Variants in CCDC149 observed in about 807,000 individuals in gnomAD.
CCDC149 encodes coiled-coil domain-containing protein 149.
CCDC149 carries 45 observed loss-of-function variants against 59.9 expected under a neutral mutation model. The ratio of observed to expected loss-of-function variants is 0.75; its 90% CI spans 0.59 to 0.96. The LOEUF (loss-of-function observed/expected upper bound fraction) is 0.96. Ranked by LOEUF, CCDC149 falls within the 40% of genes least tolerant of loss-of-function variation. The pLI, the probability that CCDC149 is intolerant of heterozygous loss-of-function variation, is 0.00. For synonymous variants in CCDC149, 245 were observed against 260.6 expected (o/e 0.94, Z 0.58); for missense variants, 584 against 664.7 (o/e 0.88, Z 1.33).
At chr4:24,812,806 G>A (rs1026856258) in intron 12 of CCDC149, among the ~76,000 whole-genome samples, 12 of 152,294 alleles carry the variant, frequency 7.9e-5, no homozygotes, top group African/African-American at 2.9e-4. Flanking sequence ...AGTGTGCAGA[G>A]GAACTCTCAT....
At chr4:24,883,112 A>T (rs912747731) in intron 1 of CCDC149, among the ~76,000 whole-genome samples, 3 of 152,132 alleles carry the variant, frequency 2.0e-5, no homozygotes, top group Non-Finnish European at 4.4e-5. Flanking sequence ...CCAGTTGCAA[A>T]GAACAAGGCT....
chr4:24,820,422 A>G (rs1000273205), intron 11 of CCDC149, among the ~76,000 whole-genome samples: 1 of 152,094 alleles, frequency 6.6e-6, no homozygotes, highest in Non-Finnish European at 1.5e-5. Context: ...TAAATGAGAG[A>G]GAGTTGGCAA....
At chr4:24,950,316 T>C (rs1274417876) in intron 1 of CCDC149, among the ~76,000 whole-genome samples, 2 of 152,236 alleles carry the variant, frequency 1.3e-5, no homozygotes, top group Non-Finnish European at 2.9e-5. Context: ...TGAAGGGTGA[T>C]TCTAATCCAA....
intron 1 of CCDC149, among the ~76,000 whole-genome samples, chr4:24,881,987 C>T (rs1719868054): frequency 6.6e-6 from 1 of 152,112 alleles, no homozygotes; most frequent in South Asian, 2.1e-4. Flanking sequence ...ACATTCTGTG[C>T]CCCACCCCCA....
rs5856868 is a variant in CCDC149, at chr4:24,874,244, G to GTTTTTTTTTTTTTTT, written c.226-540_226-526dup. Among the ~76,000 whole-genome samples the GTTTTTTTTTTTTTTT allele has an allele frequency of 5.6e-4, 49 of 87,478 alleles. 10 individuals carry two copies. The highest frequency in any genetic ancestry group is 2.6e-3 in the African/African-American group (45 of 17,164). 57.4% of individuals were successfully genotyped at this position (87,478 alleles called of 152,430 possible). ...GAGAACTTCTAGTCCTATTAGATTT[G>GTTTTTTTTTTTTTTT]TTTTTTTTTTTTTTTGTTTTGTTTT... On this transcript the variant is annotated intron_variant, in intron 2 of 12. Transcript: ENST00000635206.
At position 24,912,824 on chromosome 4, in the gene CCDC149, A is replaced by G; in HGVS notation, c.56T>C (p.Val19Ala). The G allele has an allele frequency of 7.4e-7, 1 of 1,357,926 alleles. No individual in the cohort carries two copies. Among genetic ancestry groups the G allele is most frequent in the Non-Finnish European group, 9.6e-7 (1 of 1,041,056 alleles). The allele number at this position is 1,357,926 out of a possible 1,614,324, so 84.1% of individuals were successfully genotyped here. ...CCGGCGCCGCGGCCTCACCTCGCTC[A>G]CCAGCCCCTGCCAGTCGCTCTCAGT... Residue 19 changes from valine (V) to alanine (A), a missense_variant, in exon 1 of 13, where the codon GTG (valine) becomes GCG (alanine). Transcript: ENST00000635206.
At chr4:24,897,010 G>A (rs746354168) in intron 1 of CCDC149, among the ~76,000 whole-genome samples, 36 of 152,248 alleles carry the variant, frequency 2.4e-4, no homozygotes, top group Middle Eastern at 3.4e-3. Flanking sequence ...AGATGAATTG[G>A]TCAGTTCCTT....
intron 1 of CCDC149, among the ~76,000 whole-genome samples, chr4:24,943,803 C>T (rs1723019816): frequency 6.6e-6 from 1 of 152,222 alleles, no homozygotes; most frequent in Non-Finnish European, 1.5e-5. Context: ...CCAAAAAACA[C>T]ATGAAACAAT....
At chr4:24,825,454 G>C (rs1448501833) in intron 9 of CCDC149, among the ~76,000 whole-genome samples, 1 of 152,128 alleles carries the variant, frequency 6.6e-6, no homozygotes, top group Admixed American at 6.5e-5. Context: ...CAGCTGGCGA[G>C]CAGAGGGGCC....
chr4:24,931,849 A>ATATATATATATATATATATATATACATG (rs1253209128), intron 1 of CCDC149, among the ~76,000 whole-genome samples: 1 of 143,988 alleles, frequency 6.9e-6, no homozygotes, highest in African/African-American at 2.6e-5. Context: ...ATATATATAT[A>ATATATATATATATATATATATATACATG]TATGCATAAT....
upstream of CCDC149, among the ~76,000 whole-genome samples, chr4:24,914,576 GCC>G (rs1165083450): frequency 1.4e-5 from 1 of 72,862 alleles, no homozygotes; most frequent in Non-Finnish European, 2.8e-5. Context: ...CCCCCTCCAC[GCC>G]CCCCCACCCC....
chr4:24,945,542 C>A (rs889381171), intron 1 of CCDC149, among the ~76,000 whole-genome samples: 1 of 151,972 alleles, frequency 6.6e-6, no homozygotes. Context: ...TGATTTCAGG[C>A]GTCTGGACTC....
chr4:24,889,358 A>G (rs1300294566), intron 1 of CCDC149, among the ~76,000 whole-genome samples: 1 of 152,184 alleles, frequency 6.6e-6, no homozygotes, highest in Non-Finnish European at 1.5e-5. Context: ...GATAGCATCT[A>G]TTTCTAAAAA....
chr4:24,830,944 C>T (rs1716103655), intron 9 of CCDC149: 1 of 152,584 alleles, frequency 6.6e-6, no homozygotes, highest in East Asian at 1.9e-4. Flanking sequence ...TCTCTAATGG[C>T]TACGTTAACC....
chr4:24,881,317 C>T (rs1719829750), intron 1 of CCDC149, among the ~76,000 whole-genome samples: 1 of 152,144 alleles, frequency 6.6e-6, no homozygotes, highest in South Asian at 2.1e-4. Flanking sequence ...GAAACATGGA[C>T]CCTGCTTTGC....
At chr4:24,958,703 G>C (rs1173245620) in intron 1 of CCDC149, among the ~76,000 whole-genome samples, 1 of 152,070 alleles carries the variant, frequency 6.6e-6, no homozygotes, top group South Asian at 2.1e-4. Context: ...GAAGATCAAG[G>C]CATAGCTATA....
At chr4:24,917,513 G>T (rs1315770975), upstream of CCDC149, among the ~76,000 whole-genome samples, 1 of 152,168 alleles carries the variant, frequency 6.6e-6, no homozygotes, top group Non-Finnish European at 1.5e-5. Flanking sequence ...CTGTTGGAGG[G>T]GTTCCCAGAA....
upstream of CCDC149, among the ~76,000 whole-genome samples, chr4:24,914,230 T>C (rs1250058368): frequency 6.6e-6 from 1 of 151,900 alleles, no homozygotes; most frequent in African/African-American, 2.4e-5. Context: ...ACCTTGAAAG[T>C]TTGTTCTTGG....
At position 24,819,901 on chromosome 4, in the gene CCDC149, A is replaced by T. The variant is rs369908357; in HGVS notation, c.1150T>A (p.Phe384Ile). 114 of 1,551,498 alleles carry T rather than the reference A, an allele frequency of 7.3e-5. No homozygotes were observed. In the African/African-American group the frequency reaches 1.5e-3, roughly 20 times the overall value. Residue 384 changes from phenylalanine to isoleucine, a missense_variant, in exon 12 of 13, where the codon TTT (phenylalanine) becomes ATT (isoleucine). Phe to Ile is a conservative substitution (Grantham distance 21). Transcript: ENST00000635206. ...TTGTTCTCAGTGGGCTGCTCGACAA[A>T]CTTCAGCAGTGGGGATCTCGACCTC...
Sources: gnomAD v4.1 joint callset for allele counts (sites outside exome capture counted in the v4.1 genomes callset) on GRCh38, gnomAD v4.1.1 for gene constraint, MANE v1.5 for transcripts, NCBI Gene and HGNC (gene_info 2026-07-23, HGNC 2026-07-21) for gene names.